Variants in EFCAB6 observed in about 807,000 individuals in gnomAD.
The protein encoded by EFCAB6 is EF-hand calcium-binding domain-containing protein 6.
Under a neutral mutation model 169.8 loss-of-function variants are expected in EFCAB6, and 156 were observed. The ratio of observed to expected loss-of-function variants is 0.92; its 90% CI spans 0.81 to 1.05. The LOEUF is 1.05. Among genes scored for constraint, EFCAB6 ranks in the 50% least tolerant of loss-of-function variants. The pLI is 0.00. For synonymous variants in EFCAB6, 698 were observed against 676.4 expected (o/e 1.03, Z -0.50); for missense variants, 1,800 against 1,829.1 (o/e 0.98, Z 0.29).
chr22:43,791,800 T>A (rs2062302046), intron 2 of EFCAB6, among the ~76,000 whole-genome samples: 1 of 152,048 alleles, frequency 6.6e-6, no homozygotes, highest in Admixed American at 6.6e-5. Context: ...TCTGCTGTAA[T>A]GGGGAGAAAC....
intron 10 of EFCAB6, among the ~76,000 whole-genome samples, chr22:43,689,110 C>T (rs1037967775): frequency 3.3e-5 from 5 of 152,100 alleles, no homozygotes; most frequent in African/African-American, 1.2e-4. Context: ...TTCCTGTCAC[C>T]TGCAATTGGG....
chr22:43,590,315 G>A, intron 23 of EFCAB6, 86 bp from the exon 24 acceptor site: 1 of 1,480,490 alleles, frequency 6.8e-7, no homozygotes, highest in Non-Finnish European at 9.1e-7. Context: ...TTATTCTAAT[G>A]CAATGAGCTG....
chr22:43,558,461 T>C (rs2048836249), intron 26 of EFCAB6, among the ~76,000 whole-genome samples: 1 of 152,224 alleles, frequency 6.6e-6, no homozygotes, highest in Non-Finnish European at 1.5e-5. Flanking sequence ...ATTGTGTTTT[T>C]TATAAACTGA....
intron 3 of EFCAB6, among the ~76,000 whole-genome samples, chr22:43,781,811 G>C (rs1315755067): frequency 7.2e-5 from 11 of 152,124 alleles, no homozygotes; most frequent in Non-Finnish European, 8.8e-5. Flanking sequence ...GTGGGAGTGA[G>C]GGGGTGTATG....
chr22:43,782,087 G>T, intron 3 of EFCAB6, 93 bp downstream of exon 3: 3 of 1,267,940 alleles, frequency 2.4e-6, no homozygotes, highest in Non-Finnish European at 3.3e-6. Flanking sequence ...AGGATTAAAT[G>T]TCATATGAGT....
At position 43,556,906 on chromosome 22, in the gene EFCAB6, G is replaced by T. The variant is rs190571134; in HGVS notation, c.3421-1810C>A. 7.2e-5 allele frequency among the ~76,000 whole-genome samples: 11 copies of T among 152,260 alleles called. 1 individual carries two copies. The highest frequency in any genetic ancestry group is 5.9e-4 in the Admixed American group (9 of 15,292). ...GCTGATGCATTTTGAATATCTTTAGGATTCAAACAGTTGCAAATGCACTTC... is the reference window on the plus strand; with the variant it reads ...GCTGATGCATTTTGAATATCTTTAGTATTCAAACAGTTGCAAATGCACTTC... On this transcript the variant is annotated intron_variant, in intron 26 of 31. Transcript: ENST00000262726.
Position 43,735,929 on chromosome 22 carries a change from A to T in EFCAB6, c.572T>A (p.Leu191Gln). 1 of 1,614,204 alleles carries T rather than the reference A, an allele frequency of 6.2e-7. No homozygotes were observed. The highest frequency in any genetic ancestry group is 8.5e-7 in the Non-Finnish European group (1 of 1,180,032). The change falls in exon 7 of 32, where the codon CTG becomes CAG. Residue 191 changes from leucine to glutamine, a missense_variant. By Grantham distance (113) the Leu-to-Gln change is moderately radical. Coordinates refer to ENST00000262726, the MANE Select transcript of EFCAB6 (RefSeq NM_022785.4). ...CCTTCTTAGCTCCTGCGGTCGAACC[A>T]GTCCAGTCTTGTTAACATCAATGAG... ...FELIDVNKTG[L>Q]VRPQELRRVL...
chr22:43,617,927 C>A (rs1273527205), intron 20 of EFCAB6, among the ~76,000 whole-genome samples: 2 of 151,672 alleles, frequency 1.3e-5, no homozygotes, highest in Non-Finnish European at 2.9e-5. Flanking sequence ...CATGGTGAAA[C>A]CCCGTCTCTA....
intron 20 of EFCAB6, among the ~76,000 whole-genome samples, chr22:43,622,061 T>C (rs2147788093): frequency 6.6e-6 from 1 of 152,312 alleles, no homozygotes; most frequent in South Asian, 2.1e-4. Context: ...ACAAAGGACA[T>C]TCCAGGACTT....
intron 22 of EFCAB6, among the ~76,000 whole-genome samples, chr22:43,605,453 G>GCCAACAT (rs1477405189): frequency 1.3e-5 from 2 of 152,092 alleles, no homozygotes; most frequent in African/African-American, 4.8e-5. Flanking sequence ...GACCATCCTG[G>GCCAACAT]CCAACATGGT....
chr22:43,681,762 T>C (rs1446417062), intron 12 of EFCAB6, among the ~76,000 whole-genome samples: 4 of 152,202 alleles, frequency 2.6e-5, no homozygotes, highest in African/African-American at 7.2e-5. Flanking sequence ...CTGGGAAGAT[T>C]CTGTTGGACT....
At position 43,530,893 on chromosome 22, in the gene EFCAB6, G is replaced by C; in HGVS notation, c.4305C>G (p.Cys1435Trp). 1.2e-6 allele frequency: 2 copies of C among 1,614,240 alleles called. No individual in the cohort carries two copies. The highest frequency in any genetic ancestry group is 1.3e-5 in the African/African-American group (1 of 75,070). The change falls in exon 31 of 32, where the codon TGC becomes TGG. Residue 1435 changes from cysteine (C) to tryptophan (W), a missense_variant. Coordinates refer to ENST00000262726, the MANE Select transcript of EFCAB6 (RefSeq NM_022785.4). ...TGAACGTGCGCCGCATTGGCCTCCAGCAGTGCACAATTTTGGGCTGAATAC... is the reference window on the plus strand; with the variant it reads ...TGAACGTGCGCCGCATTGGCCTCCACCAGTGCACAATTTTGGGCTGAATAC... ...LLRIQPKIVH[C>W]WRPMRRTFKS...
chr22:43,668,642 T>C (rs572533286), intron 16 of EFCAB6, among the ~76,000 whole-genome samples: 1 of 152,312 alleles, frequency 6.6e-6, no homozygotes, highest in East Asian at 1.9e-4. Context: ...TCCCCAAACC[T>C]CTCAGACATC....
intron 17 of EFCAB6, among the ~76,000 whole-genome samples, chr22:43,640,746 G>A (rs1045057056): frequency 1.3e-5 from 2 of 152,112 alleles, no homozygotes; most frequent in African/African-American, 2.4e-5. Context: ...CATTTTCCAG[G>A]ACCTTCAGGC....
chr22:43,777,175 T>C (rs2061667617), intron 3 of EFCAB6, among the ~76,000 whole-genome samples: 1 of 152,164 alleles, frequency 6.6e-6, no homozygotes, highest in Non-Finnish European at 1.5e-5. Context: ...AGCAATGAGA[T>C]AAATGACAGT....
intron 2 of EFCAB6, among the ~76,000 whole-genome samples, chr22:43,787,960 T>C (rs1231133356): frequency 6.6e-6 from 1 of 152,210 alleles, no homozygotes; most frequent in Non-Finnish European, 1.5e-5. Flanking sequence ...ACATTTATCA[T>C]TAATTGATAC....
At chr22:43,696,331 T>C (rs1430929031) in intron 10 of EFCAB6, among the ~76,000 whole-genome samples, 1 of 152,132 alleles carries the variant, frequency 6.6e-6, no homozygotes, top group African/African-American at 2.4e-5. Context: ...ACATCTGGAA[T>C]TGTTACATAC....
chr22:43,678,329 CTG>C (rs137787), intron 12 of EFCAB6, among the ~76,000 whole-genome samples, 166 bp from the exon 13 acceptor site: 2,704 of 144,256 alleles, frequency 0.019, 30 homozygotes, highest in African/African-American at 0.035. Flanking sequence ...AACATGAGCA[CTG>C]TGTGTGTGTG....
chr22:43,529,887 C>T (rs935143214), intron 31 of EFCAB6, among the ~76,000 whole-genome samples: 6 of 152,340 alleles, frequency 3.9e-5, no homozygotes, highest in African/African-American at 1.4e-4. Context: ...TGAAACAAAT[C>T]CTGACAGACC....
Sources: gnomAD v4.1 joint callset for allele counts (sites outside exome capture counted in the v4.1 genomes callset) on GRCh38, gnomAD v4.1.1 for gene constraint, MANE v1.5 for transcripts, NCBI Gene and HGNC (gene_info 2026-07-23, HGNC 2026-07-21) for gene names.